LRP6: variants seen among roughly 807,000 people sequenced by gnomAD.
The protein encoded by LRP6 is low-density lipoprotein receptor-related protein 6.
A neutral mutation model predicts 184.1 loss-of-function variants in LRP6; 43 were observed. That is an observed-to-expected ratio of 0.23 (90% CI 0.18 to 0.30). The LOEUF (loss-of-function observed/expected upper bound fraction) is 0.30. Among genes scored for constraint, LRP6 ranks in the 10% least tolerant of loss-of-function variants. The pLI is 1.00. For synonymous variants in LRP6, 719 were observed against 684.9 expected, an observed-to-expected ratio of 1.05 and a Z score of -0.78; for missense variants, 1,571 against 2,005.3, an observed-to-expected ratio of 0.78 and a Z score of 4.14.
rs193000233 is a variant in LRP6, at chr12:12,124,856, G to A, written c.4450-194C>T. Among the ~76,000 whole-genome samples the A allele has an allele frequency of 2.4e-3, 363 of 152,136 alleles. 3 individuals carry two copies. The highest frequency in any genetic ancestry group is 0.021 in the South Asian group (101 of 4,822). On this transcript the variant is annotated intron_variant, in intron 21 of 22. Coordinates refer to ENST00000261349, the MANE Select transcript of LRP6 (RefSeq NM_002336.3). The stretch of plus-strand genomic sequence containing the variant: ...CCTCATTCCCTAAGACCTCATCATG[G>A]CTAAAAAGTGCAAAGTGACAAAAAC...
chr12:12,255,941 T>A (rs866963599), intron 1 of LRP6, among the ~76,000 whole-genome samples: 9 of 152,240 alleles, frequency 5.9e-5, no homozygotes, highest in Middle Eastern at 3.4e-3. Flanking sequence ...AATTTTACAT[T>A]AATATGTATT....
chr12:12,164,465 G>T lies in LRP6; in HGVS notation c.1860C>A (p.Leu620=). Residue 620 remains leucine, a synonymous_variant, in exon 9 of 23, where the codon CTC becomes CTA. Coordinates refer to ENST00000261349, the MANE Select transcript of LRP6 (RefSeq NM_002336.3). Reference sequence around the variant, plus strand: ...CAATGCAGGTCTTCATGTCACTGATGAGTTCAAAGCCAATAGGGCAAGCAC... The same window carrying T: ...CAATGCAGGTCTTCATGTCACTGATTAGTTCAAAGCCAATAGGGCAAGCAC... ...LRCACPIGFE[L]ISDMKTCIVP... is the part of the protein sequence containing the mutation. The T allele has an allele frequency of 6.2e-7, 1 of 1,614,188 alleles. No individual in the cohort carries two copies. Among genetic ancestry groups the T allele is most frequent in the South Asian group, 1.1e-5 (1 of 91,082 alleles).
intron 1 of LRP6, among the ~76,000 whole-genome samples, chr12:12,257,125 G>A (rs765140418): frequency 3.7e-4 from 57 of 152,284 alleles, no homozygotes; most frequent in Admixed American, 1.7e-3. Context: ...AATGGGAAAT[G>A]TATGGGTTTT....
intron 15 of LRP6, among the ~76,000 whole-genome samples, chr12:12,141,695 A>T (rs1405599448): frequency 6.6e-6 from 1 of 152,222 alleles, no homozygotes; most frequent in Admixed American, 6.5e-5. Flanking sequence ...TGTGATTTTA[A>T]TTATGAAGAC....
chr12:12,118,712 T>C lies in LRP6; in HGVS notation c.*2414A>G, dbSNP rs1020871404. On this transcript the variant is annotated 3_prime_UTR_variant, in exon 23 of 23. Transcript: ENST00000261349. ...TCATTAAAAAGTACTCCCAGAAATA[T>C]TAAGAATCCATCTCATCTACCCCAG... 3 of 152,192 alleles carry C rather than the reference T, an allele frequency of 2.0e-5. No homozygotes were observed. The highest frequency in any genetic ancestry group is 7.2e-5 in the African/African-American group (3 of 41,444). The allele number at this position is 152,192 out of a possible 1,614,324, so 9.4% of individuals were successfully genotyped here. A position where few individuals can be genotyped will look rare whatever the true frequency, so the allele number is the denominator to read the frequency against.
intron 15 of LRP6, among the ~76,000 whole-genome samples, chr12:12,146,134 T>C (rs1348702445): frequency 1.3e-5 from 2 of 152,252 alleles, no homozygotes; most frequent in African/African-American, 2.4e-5. Context: ...TAGAATGTAT[T>C]TCTCCATGAA....
intron 22 of LRP6, 82 bp from the exon 23 acceptor site, chr12:12,121,502 G>T: frequency 7.9e-7 from 1 of 1,269,756 alleles, no homozygotes; most frequent in Non-Finnish European, 1.2e-6. Flanking sequence ...GGTATTAGAT[G>T]TCAACTACCC....
chr12:12,195,911 T>C (rs1164448246), intron 3 of LRP6, among the ~76,000 whole-genome samples: 1 of 152,170 alleles, frequency 6.6e-6, no homozygotes, highest in Non-Finnish European at 1.5e-5. Context: ...CACATGTGGA[T>C]ATCCAGTTTC....
intron 12 of LRP6, chr12:12,155,182 T>A (rs1950133676): frequency 1.8e-6 from 1 of 551,598 alleles, no homozygotes; most frequent in Non-Finnish European, 3.4e-6. Context: ...GGTGACAGTG[T>A]GAGACTCTGT....
intron 5 of LRP6, 64 bp downstream of exon 5, chr12:12,183,916 G>A: frequency 6.7e-7 from 1 of 1,501,042 alleles, no homozygotes. Context: ...TGATTATAGA[G>A]AAAACAAATC....
intron 3 of LRP6, among the ~76,000 whole-genome samples, chr12:12,192,305 CCAAGGAAT>C (rs1863638829): frequency 6.6e-6 from 1 of 151,028 alleles, no homozygotes; most frequent in Non-Finnish European, 1.5e-5. Context: ...AAATTATCAA[CCAAGGAAT>C]CAAAATGACA....
chr12:12,245,133 A>G (rs920035838), intron 1 of LRP6, among the ~76,000 whole-genome samples: 4 of 152,234 alleles, frequency 2.6e-5, no homozygotes, highest in African/African-American at 7.2e-5. Context: ...ATGTCAATAC[A>G]AAGACTTGTA....
chr12:12,124,709 T>G (rs765076575), intron 21 of LRP6, 47 bp from the exon 22 acceptor site: 1 of 1,186,004 alleles, frequency 8.4e-7, no homozygotes, highest in African/African-American at 1.5e-5. Flanking sequence ...ACATAGAAAC[T>G]ATCAGACTTT....
chr12:12,155,431 C>T, intron 12 of LRP6: 1 of 932,604 alleles, frequency 1.1e-6, no homozygotes, highest in Non-Finnish European at 1.7e-6. Context: ...ACAAGTGTTA[C>T]CACTGCAAAA....
At chr12:12,218,933 G>A (rs1048995478) in intron 2 of LRP6, among the ~76,000 whole-genome samples, 3 of 152,140 alleles carry the variant, frequency 2.0e-5, no homozygotes, top group Non-Finnish European at 2.9e-5. Flanking sequence ...AAAAATGGTA[G>A]AGCAAGTTTA....
At chr12:12,183,886 A>C in intron 5 of LRP6, 94 bp downstream of exon 5, 1 of 1,133,764 alleles carries the variant, frequency 8.8e-7, no homozygotes, top group South Asian at 1.3e-5. Context: ...GGTCTCCCAA[A>C]GCAGTATAAC....
At chr12:12,248,090 C>T (rs570228676) in intron 1 of LRP6, among the ~76,000 whole-genome samples, 1 of 152,278 alleles carries the variant, frequency 6.6e-6, no homozygotes, top group East Asian at 1.9e-4. Flanking sequence ...AATTTTCTCT[C>T]CACCCATCTT....
intron 1 of LRP6, among the ~76,000 whole-genome samples, chr12:12,263,479 A>C (rs534059845): frequency 1.9e-4 from 28 of 150,960 alleles, no homozygotes; most frequent in African/African-American, 2.7e-4. Flanking sequence ...TGAACCCGGC[A>C]GGCAGAGCTT....
At chr12:12,162,902 T>C (rs1454201860) in intron 9 of LRP6, among the ~76,000 whole-genome samples, 1 of 152,186 alleles carries the variant, frequency 6.6e-6, no homozygotes, top group African/African-American at 2.4e-5. Flanking sequence ...ATACATCTTA[T>C]CAAGTATTAT....
Sources: gnomAD v4.1 joint callset for allele counts (sites outside exome capture counted in the v4.1 genomes callset) on GRCh38, gnomAD v4.1.1 for gene constraint, MANE v1.5 for transcripts, NCBI Gene and HGNC (gene_info 2026-07-23, HGNC 2026-07-21) for gene names.